Variants in ZNF469 observed in about 807,000 individuals in gnomAD.
ZNF469 encodes the protein zinc finger protein 469.
ZNF469 carries 1 observed loss-of-function variant against 1.0 expected under a neutral mutation model. The ratio of observed to expected loss-of-function variants is 1.00; its 90% confidence interval spans 0.35 to 4.73. The LOEUF (loss-of-function observed/expected upper bound fraction) is 4.73, where lower values mean the gene tolerates loss of function less well. Among genes scored for constraint, ZNF469 ranks in the 30% most tolerant of loss-of-function variants. The probability of loss-of-function intolerance (pLI) is 0.16; values close to 1 mark genes in which losing one functional copy is unlikely to be tolerated. For missense variants in ZNF469, 6,100 were observed against 5,356.3 expected, an observed-to-expected ratio of 1.14 and a Z score of -4.33; for synonymous variants, 2,703 against 2,363.4, an observed-to-expected ratio of 1.14 and a Z score of -4.17.
At chr16:88,212,804 G>A in the ZNF469 span, among the ~76,000 whole-genome samples, 1 of 151,842 alleles carries the variant, frequency 6.6e-6, no homozygotes, top group Non-Finnish European at 1.5e-5. Flanking sequence ...GGCTGGTTTT[G>A]AACTCCTGGG....
At chr16:88,179,077 CGTGT>C in the ZNF469 span, 3 of 152,388 alleles carry the variant, frequency 2.0e-5, no homozygotes, top group Non-Finnish European at 4.4e-5. Context: ...GTGCGTGGTC[CGTGT>C]GTGTAATTTT....
chr16:88,344,121 G>A, the ZNF469 span, among the ~76,000 whole-genome samples: 9 of 152,166 alleles, frequency 5.9e-5, no homozygotes, highest in East Asian at 3.9e-4. Context: ...ACACCTGAGC[G>A]GTCCTCACAA....
At chr16:88,300,298 G>A in the ZNF469 span, among the ~76,000 whole-genome samples, 1 of 152,188 alleles carries the variant, frequency 6.6e-6, no homozygotes, top group Non-Finnish European at 1.5e-5. Context: ...CATGGATGGA[G>A]GCTGGATTTA....
chr16:88,224,535 C>T, the ZNF469 span, among the ~76,000 whole-genome samples: 1 of 152,194 alleles, frequency 6.6e-6, no homozygotes, highest in Non-Finnish European at 1.5e-5. Flanking sequence ...GTGTGGCCTG[C>T]AGCGTGGCAC....
the ZNF469 span, among the ~76,000 whole-genome samples, chr16:88,162,281 T>A: frequency 6.6e-6 from 1 of 150,840 alleles, no homozygotes; most frequent in African/African-American, 2.4e-5. Flanking sequence ...ATTTTTAATT[T>A]ATCCATCACA....
At chr16:88,219,907 C>T in the ZNF469 span, among the ~76,000 whole-genome samples, 1 of 152,136 alleles carries the variant, frequency 6.6e-6, no homozygotes, top group Non-Finnish European at 1.5e-5. Flanking sequence ...TGCCTGTGCC[C>T]ACAACTGGCA....
the ZNF469 span, among the ~76,000 whole-genome samples, chr16:88,225,752 T>C: frequency 2.1e-3 from 318 of 152,268 alleles, no homozygotes; most frequent in African/African-American, 6.6e-3. Context: ...CAGGAAACAC[T>C]GCCTATGAAC....
intron 1 of ZNF469, among the ~76,000 whole-genome samples, chr16:88,388,284 G>A (rs942610275): frequency 1.2e-4 from 18 of 152,218 alleles, no homozygotes; most frequent in African/African-American, 3.1e-4. Flanking sequence ...GGGACATTCC[G>A]TCCCCTGGCT....
the ZNF469 span, among the ~76,000 whole-genome samples, chr16:88,228,964 G>A: frequency 5.3e-5 from 8 of 152,156 alleles, no homozygotes; most frequent in African/African-American, 9.7e-5. Context: ...CACAGCAGCC[G>A]GGCACCCATA....
At chr16:88,143,073 C>G in the ZNF469 span, among the ~76,000 whole-genome samples, 2 of 152,166 alleles carry the variant, frequency 1.3e-5, no homozygotes, top group African/African-American at 4.8e-5. Context: ...GAGATGGGGC[C>G]CCAGGCACTT....
intron 1 of ZNF469, among the ~76,000 whole-genome samples, chr16:88,391,785 A>G (rs1226558260): frequency 6.6e-6 from 1 of 152,226 alleles, no homozygotes; most frequent in East Asian, 1.9e-4. Context: ...TTTCTGTAAC[A>G]TCTCTTGGCT....
chr16:88,144,700 G>A, the ZNF469 span, among the ~76,000 whole-genome samples: 5 of 152,316 alleles, frequency 3.3e-5, no homozygotes, highest in African/African-American at 4.8e-5. Flanking sequence ...AGGAGAAGGC[G>A]AAGCTCTATC....
the ZNF469 span, among the ~76,000 whole-genome samples, chr16:88,239,303 TC>T: frequency 6.6e-6 from 1 of 152,132 alleles, no homozygotes; most frequent in East Asian, 1.9e-4. Flanking sequence ...TTTAATTATT[TC>T]CCCTTTATGT....
the ZNF469 span, among the ~76,000 whole-genome samples, chr16:88,243,282 C>T: frequency 6.6e-6 from 1 of 152,316 alleles, no homozygotes; most frequent in South Asian, 2.1e-4. Flanking sequence ...ACAGCACTCA[C>T]TCTAAGCCTG....
the ZNF469 span, among the ~76,000 whole-genome samples, chr16:88,353,294 C>G: frequency 1.1e-4 from 16 of 152,088 alleles, no homozygotes; most frequent in African/African-American, 3.9e-4. Flanking sequence ...AAACGTGAGT[C>G]TGCCATGTCT....
intron 1 of ZNF469, among the ~76,000 whole-genome samples, chr16:88,399,144 G>A (rs1382963316): frequency 6.6e-6 from 1 of 152,190 alleles, no homozygotes; most frequent in African/African-American, 2.4e-5. Flanking sequence ...CATGTGGCTG[G>A]CAGTTTGGCA....
chr16:88,325,397 A>G, the ZNF469 span, among the ~76,000 whole-genome samples: 12 of 152,206 alleles, frequency 7.9e-5, no homozygotes, highest in Middle Eastern at 3.2e-3. Context: ...GAGAGGCACA[A>G]TTTCCACCCA....
the ZNF469 span, among the ~76,000 whole-genome samples, chr16:88,298,674 G>T: frequency 6.6e-6 from 1 of 152,122 alleles, no homozygotes; most frequent in Non-Finnish European, 1.5e-5. Context: ...CACGGAGGGA[G>T]GCAATGTTCT....
chr16:88,223,227 C>T, the ZNF469 span, among the ~76,000 whole-genome samples: 1 of 152,108 alleles, frequency 6.6e-6, no homozygotes. Context: ...CCATGGGGGC[C>T]GTTTCCTCTA....
Sources: allele counts gnomAD v4.1 joint callset (sites outside exome capture counted in the v4.1 genomes callset), GRCh38; gene constraint gnomAD v4.1.1; transcripts MANE v1.5; gene names NCBI Gene and HGNC (gene_info 2026-07-23, HGNC 2026-07-21).